The following SSPN variants were observed in gnomAD, a reference collection of about 807,000 sequenced individuals.
The protein encoded by SSPN is K-ras oncogene-associated protein.
SSPN carries 15 observed loss-of-function variants against 19.1 expected under a neutral mutation model. That is an observed-to-expected ratio of 0.78 (90% CI 0.52 to 1.21). SSPN has a LOEUF of 1.21. Ranked by LOEUF, SSPN falls within the 50% of genes most tolerant of loss-of-function variation. The pLI is 0.00. For missense variants in SSPN, 291 were observed against 314.0 expected (o/e 0.93, Z 0.55); for synonymous variants, 147 against 140.3 (o/e 1.05, Z -0.34).
chr12:26,207,251 C>T (rs555901244), intron 1 of SSPN, among the ~76,000 whole-genome samples: 19 of 152,122 alleles, frequency 1.2e-4, no homozygotes, highest in Non-Finnish European at 2.5e-4. Flanking sequence ...GTCAGTAATT[C>T]TGTGCAATTC....
At chr12:26,127,850 GGCATAGTTTGATGCCTCTGA>G (rs1398723056) in intron 1 of SSPN, among the ~76,000 whole-genome samples, 1 of 152,050 alleles carries the variant, frequency 6.6e-6, no homozygotes, top group Non-Finnish European at 1.5e-5. Flanking sequence ...TGGAATATTG[GGCATAGTTTGATGCCTCTGA>G]ATATCCCTTT....
chr12:26,209,433 T>G (rs1396870160), intron 1 of SSPN, among the ~76,000 whole-genome samples: 2 of 152,080 alleles, frequency 1.3e-5, no homozygotes, highest in Non-Finnish European at 2.9e-5. Context: ...ATATTTAGAA[T>G]CTTCTTATTC....
intron 1 of SSPN, among the ~76,000 whole-genome samples, chr12:26,204,162 T>C (rs187980381): frequency 5.2e-4 from 79 of 152,288 alleles, no homozygotes; most frequent in Middle Eastern, 3.4e-3. Context: ...TTGAAAGCCC[T>C]ACGGCTTTCT....
intron 1 of SSPN, among the ~76,000 whole-genome samples, chr12:26,142,627 T>C (rs1016603106): frequency 4.6e-4 from 70 of 152,170 alleles, no homozygotes; most frequent in Non-Finnish European, 4.3e-4. Context: ...AGTCTGAATC[T>C]TGGGAAAGAT....
At chr12:26,197,257 G>A (rs1346602465) in intron 1 of SSPN, among the ~76,000 whole-genome samples, 1 of 152,058 alleles carries the variant, frequency 6.6e-6, no homozygotes, top group Non-Finnish European at 1.5e-5. Context: ...CATCGATGGA[G>A]GTATTTCCTA....
chr12:26,228,618 T>C (rs1187507885), intron 2 of SSPN, among the ~76,000 whole-genome samples: 2 of 151,656 alleles, frequency 1.3e-5, no homozygotes, highest in African/African-American at 4.8e-5. Flanking sequence ...TTCCCAGTTC[T>C]CTGCTGGCTG....
chr12:26,123,257 G>T, intron 1 of SSPN: 2 of 1,441,434 alleles, frequency 1.4e-6, no homozygotes, highest in Non-Finnish European at 9.2e-7. Context: ...TATCACGTGG[G>T]CCCTGCATCG....
At chr12:26,177,666 T>C (rs547812590) in intron 1 of SSPN, among the ~76,000 whole-genome samples, 1 of 152,278 alleles carries the variant, frequency 6.6e-6, no homozygotes, top group African/African-American at 2.4e-5. Context: ...ATCCTTTGAA[T>C]GCAAGGAACA....
intron 1 of SSPN, among the ~76,000 whole-genome samples, chr12:26,170,287 G>A (rs1482824519): frequency 6.6e-6 from 1 of 152,148 alleles, no homozygotes; most frequent in African/African-American, 2.4e-5. Context: ...AATTAAATGA[G>A]GATTGACTAC....
Position 26,122,614 on chromosome 12 carries a change from C to T in SSPN, c.-31+462C>T, listed in dbSNP as rs1222724715. 7 of 1,139,022 alleles carry T rather than the reference C, an allele frequency of 6.1e-6. No individual in the cohort carries two copies. In the East Asian group the frequency reaches 2.2e-4, roughly 36 times the overall value. The allele number at this position is 1,139,022 out of a possible 1,614,324, so 70.6% of individuals were successfully genotyped here. On this transcript the variant is annotated intron_variant, in intron 1 of 2. Coordinates refer to the SSPN transcript ENST00000538142. ...GGGTCGGGCCCCAGAAGCGCGGCTGCCGCCGCCGCCGCGCCGCCCCCCGGG... is the reference window on the plus strand; with the variant it reads ...GGGTCGGGCCCCAGAAGCGCGGCTGTCGCCGCCGCCGCGCCGCCCCCCGGG...
chr12:26,213,140 A>G (rs1945009514), intron 1 of SSPN, among the ~76,000 whole-genome samples: 1 of 151,832 alleles, frequency 6.6e-6, no homozygotes, highest in African/African-American at 2.4e-5. Flanking sequence ...TTTTTTTTCC[A>G]GAAATTAAAT....
chr12:26,122,053 G>C (rs944231051), exon 1 of SSPN: 23 of 1,549,170 alleles, frequency 1.5e-5, no homozygotes, highest in Middle Eastern at 3.4e-4. Flanking sequence ...TCCGTCCTTC[G>C]GGACGCAAGG....
upstream of SSPN, among the ~76,000 whole-genome samples, chr12:26,194,207 G>A (rs539135225): frequency 9.9e-4 from 151 of 152,286 alleles, 1 homozygote; most frequent in Non-Finnish European, 1.9e-3. Context: ...AGAGGTATGC[G>A]GGAATAAGAA....
intron 1 of SSPN, among the ~76,000 whole-genome samples, chr12:26,159,439 T>C (rs984608683): frequency 3.3e-5 from 5 of 152,154 alleles, no homozygotes; most frequent in Non-Finnish European, 5.9e-5. Context: ...GGAGAGCCCA[T>C]AGTGTCCTGG....
intron 1 of SSPN, chr12:26,124,312 C>G (rs1333975070): frequency 2.9e-6 from 2 of 682,566 alleles, no homozygotes; most frequent in Non-Finnish European, 4.9e-6. Flanking sequence ...CAAGAAACCT[C>G]TTTCCTCTGG....
intron 1 of SSPN, among the ~76,000 whole-genome samples, chr12:26,184,383 T>C: frequency 6.6e-6 from 1 of 152,322 alleles, no homozygotes; most frequent in East Asian, 1.9e-4. Flanking sequence ...ATAAAACAAT[T>C]ACAGAATCCA....
intron 1 of SSPN, chr12:26,122,622 G>GCCGCCA (rs1371905437): frequency 8.5e-7 from 1 of 1,179,840 alleles, no homozygotes; most frequent in African/African-American, 1.7e-5. Context: ...TGCCGCCGCC[G>GCCGCCA]CCGCGCCGCC....
At position 26,231,188 on chromosome 12, in the gene SSPN, T is replaced by G. The variant is rs1190506748; in HGVS notation, c.*112T>G. The G allele has an allele frequency of 7.6e-7, 1 of 1,316,628 alleles. No individual in the cohort carries two copies. Among genetic ancestry groups the G allele is most frequent in the Non-Finnish European group, 1.0e-6 (1 of 1,001,856 alleles). The allele number at this position is 1,316,628 out of a possible 1,614,324, so 81.6% of individuals were successfully genotyped here. On this transcript the variant is annotated 3_prime_UTR_variant, in exon 3 of 3. Transcript: ENST00000242729. ...AAAAAATTGACAATAAAAGTCACTC[T>G]TCTAATTGAATATTTTTATATTTTT...
intron 1 of SSPN, among the ~76,000 whole-genome samples, chr12:26,158,567 C>G (rs1017335767): frequency 1.3e-5 from 2 of 152,232 alleles, no homozygotes; most frequent in African/African-American, 2.4e-5. Context: ...CAGGAAGTCC[C>G]TCTGATTTTG....
Sources: gnomAD v4.1 joint callset for allele counts (sites outside exome capture counted in the v4.1 genomes callset) on GRCh38, gnomAD v4.1.1 for gene constraint, MANE v1.5 for transcripts, NCBI Gene and HGNC (gene_info 2026-07-23, HGNC 2026-07-21) for gene names.